The following SORCS3 variants were observed in gnomAD, a reference collection of about 807,000 sequenced individuals.
The protein encoded by SORCS3 is VPS10 domain-containing receptor SorCS3.
In SORCS3, 57 loss-of-function variants were observed where a neutral mutation model predicts 146.3. The observed-to-expected ratio is 0.39, with a 90% confidence interval of 0.31 to 0.49. SORCS3 has a LOEUF of 0.49. Among genes scored for constraint, SORCS3 ranks in the 20% least tolerant of loss-of-function variants. SORCS3 has a pLI of 0.92. For missense variants in SORCS3, 1,341 were observed against 1,575.5 expected (o/e 0.85, Z 2.52); for synonymous variants, 653 against 618.5 (o/e 1.06, Z -0.83).
intron 1 of SORCS3, among the ~76,000 whole-genome samples, chr10:104,808,234 A>G (rs1016103270): frequency 1.3e-5 from 2 of 152,218 alleles, no homozygotes; most frequent in East Asian, 3.8e-4. Context: ...GAAGGACATC[A>G]GAGTGGATCT....
intron 5 of SORCS3, among the ~76,000 whole-genome samples, chr10:105,086,883 T>C (rs1432196341): frequency 6.6e-6 from 1 of 152,260 alleles, no homozygotes; most frequent in Non-Finnish European, 1.5e-5. Flanking sequence ...TGATGATAGT[T>C]TCTTTTGCTG....
At chr10:104,818,868 A>T (rs1261056602) in intron 1 of SORCS3, among the ~76,000 whole-genome samples, 5 of 152,110 alleles carry the variant, frequency 3.3e-5, no homozygotes, top group Non-Finnish European at 5.9e-5. Context: ...GGCCTAGCTA[A>T]GTACGGCATG....
intron 1 of SORCS3, among the ~76,000 whole-genome samples, chr10:104,826,602 C>G (rs774481470): frequency 5.9e-5 from 9 of 152,106 alleles, no homozygotes; most frequent in Non-Finnish European, 1.2e-4. Context: ...ATTACCCGAG[C>G]CTTTAGTGAG....
intron 20 of SORCS3, among the ~76,000 whole-genome samples, chr10:105,243,020 T>G (rs2056845480): frequency 3.1e-5 from 4 of 130,798 alleles, no homozygotes; most frequent in South Asian, 4.4e-4. Flanking sequence ...TATATATATT[T>G]ATACATATAT....
At chr10:104,963,263 A>G (rs1236261589) in intron 3 of SORCS3, among the ~76,000 whole-genome samples, 1 of 152,174 alleles carries the variant, frequency 6.6e-6, no homozygotes, top group South Asian at 2.1e-4. Context: ...CAGAGTGGTC[A>G]TGGCAATTTA....
chr10:105,204,960 C>T (rs183493949), intron 16 of SORCS3, among the ~76,000 whole-genome samples: 198 of 152,242 alleles, frequency 1.3e-3, no homozygotes, highest in Non-Finnish European at 2.1e-3. Context: ...CAGCATATGG[C>T]GTATAGCCTT....
At chr10:105,041,457 ATATAAC>A (rs1271749372) in intron 4 of SORCS3, among the ~76,000 whole-genome samples, 1 of 148,818 alleles carries the variant, frequency 6.7e-6, no homozygotes, top group African/African-American at 2.4e-5. Context: ...ATATATATAC[ATATAAC>A]TATATGTACA....
intron 2 of SORCS3, among the ~76,000 whole-genome samples, chr10:104,886,381 G>A (rs1430865487): frequency 6.6e-6 from 1 of 152,042 alleles, no homozygotes; most frequent in Non-Finnish European, 1.5e-5. Context: ...TTATAACAGG[G>A]ATAATGGTGA....
intron 3 of SORCS3, among the ~76,000 whole-genome samples, chr10:104,949,185 T>C (rs962409042): frequency 2.2e-4 from 33 of 152,130 alleles, no homozygotes; most frequent in African/African-American, 7.7e-4. Context: ...AATTGAGAGT[T>C]GGTTTTATTT....
chr10:104,859,743 C>T (rs1190001265), intron 2 of SORCS3, among the ~76,000 whole-genome samples: 3 of 152,024 alleles, frequency 2.0e-5, no homozygotes, highest in African/African-American at 7.2e-5. Context: ...ACAACCCCAT[C>T]AAAAAGTGGG....
rs1428719746 is a variant in SORCS3 at position 104,886,656 on chromosome 10, G to C, written c.696-29177G>C. 2.6e-5 allele frequency among the ~76,000 whole-genome samples: 4 copies of C among 151,632 alleles called. No homozygotes were observed. In the East Asian group the frequency reaches 7.7e-4, roughly 29 times the overall value. ...TAGAATTAAAATATTTCTTTAGGTG[G>C]GAGCCCAAAACAGCAGCCATTGATG... is the stretch of plus-strand genomic sequence containing the variant. On this transcript the variant is annotated intron_variant, in intron 2 of 26. Transcript: ENST00000369701.
chr10:105,243,182 C>T (rs5025291), intron 20 of SORCS3, among the ~76,000 whole-genome samples: 11,160 of 150,198 alleles, frequency 0.074, 626 homozygotes, highest in Admixed American at 0.15. Flanking sequence ...CAGATAAGAC[C>T]TGATGGACTG....
chr10:104,972,201 C>T (rs1250071325), intron 3 of SORCS3, among the ~76,000 whole-genome samples: 7 of 152,120 alleles, frequency 4.6e-5, no homozygotes, highest in Non-Finnish European at 8.8e-5. Context: ...AAAGAACATA[C>T]ATTATGCCCT....
intron 19 of SORCS3, among the ~76,000 whole-genome samples, chr10:105,220,133 G>C (rs749442122): frequency 2.0e-5 from 3 of 152,208 alleles, no homozygotes; most frequent in African/African-American, 7.2e-5. Flanking sequence ...ACTTTTCTCT[G>C]TTCCTTCCTG....
intron 4 of SORCS3, among the ~76,000 whole-genome samples, chr10:104,986,973 G>T (rs1419843237): frequency 6.6e-6 from 1 of 152,146 alleles, no homozygotes; most frequent in African/African-American, 2.4e-5. Context: ...GAAAAATGGT[G>T]CTGATAGACT....
At chr10:104,863,441 T>C (rs1171787717) in intron 2 of SORCS3, among the ~76,000 whole-genome samples, 2 of 152,216 alleles carry the variant, frequency 1.3e-5, no homozygotes, top group Admixed American at 6.5e-5. Context: ...TAGCTGTTCT[T>C]GAGCATCCTA....
At chr10:104,877,142 C>A (rs753589006) in intron 2 of SORCS3, among the ~76,000 whole-genome samples, 19 of 152,266 alleles carry the variant, frequency 1.2e-4, no homozygotes, top group Admixed American at 3.3e-4. Flanking sequence ...TGAGTCACAG[C>A]ACCCAGCCAG....
At chr10:105,160,829 C>T (rs1220825038) in intron 11 of SORCS3, among the ~76,000 whole-genome samples, 2 of 152,172 alleles carry the variant, frequency 1.3e-5, no homozygotes, top group East Asian at 3.8e-4. Context: ...GGAAACTTGT[C>T]CTCCTGCTTT....
At chr10:104,840,554 G>A (rs1229714670) in intron 1 of SORCS3, among the ~76,000 whole-genome samples, 1 of 152,126 alleles carries the variant, frequency 6.6e-6, no homozygotes, top group Non-Finnish European at 1.5e-5. Flanking sequence ...TTTTATTTCT[G>A]TATCCCCCAT....
Sources: allele counts gnomAD v4.1 joint callset (sites outside exome capture counted in the v4.1 genomes callset), GRCh38; gene constraint gnomAD v4.1.1; transcripts MANE v1.5; gene names NCBI Gene and HGNC (gene_info 2026-07-23, HGNC 2026-07-21).